Variants in PSG3 observed in about 807,000 individuals in gnomAD.
PSG3 encodes pregnancy-specific beta-1-glycoprotein 3.
In PSG3, 61 loss-of-function variants were observed where a neutral mutation model predicts 47.5. That is an observed-to-expected ratio of 1.28 (90% CI 1.05 to 1.59). The LOEUF is 1.59. Ranked by LOEUF, PSG3 falls within the 40% of genes most tolerant of loss-of-function variation. The pLI is 0.00. For synonymous variants in PSG3, 263 were observed against 198.4 expected (o/e 1.33, Z -2.74); for missense variants, 756 against 524.0 (o/e 1.44, Z -4.32).
At chr19:42,734,610 C>T (rs1969531265) in intron 2 of PSG3, among the ~76,000 whole-genome samples, 1 of 152,166 alleles carries the variant, frequency 6.6e-6, no homozygotes, top group South Asian at 2.1e-4. Context: ...TAGTATTTCT[C>T]TTGAGACCAA....
chr19:42,722,407 A>C (rs1263398011), intron 6 of PSG3, among the ~76,000 whole-genome samples: 16 of 152,160 alleles, frequency 1.1e-4, no homozygotes, highest in South Asian at 4.2e-4. Context: ...CCTGCCACCA[A>C]GCCCGGCTAA....
In PSG3 at chr19:42,740,323, G is replaced by T. The variant is rs748181353; in HGVS notation, c.62C>A (p.Thr21Lys). The T allele has an allele frequency of 1.2e-5, 19 of 1,613,790 alleles. No homozygotes were observed. The Middle Eastern group carries it at 1.5e-3, about 126-fold the overall frequency. Residue 21 changes from threonine (T) to lysine (K), a missense_variant and splice_region_variant, in exon 1 of 7, where the codon ACA (threonine) becomes AAA (lysine). Transcript: ENST00000327495. Reference protein sequence around the residue: ...QRITWKGLLLTALLLNFWNLP... With the variant: ...QRITWKGLLLKALLLNFWNLP... ...CTCCCAGGAAGTTCTCTCCTCACCT[G>T]TGAGCAGGAGCCCCTTCCAGGTGAT...
chr19:42,736,895 G>A (rs1344801914), intron 2 of PSG3, among the ~76,000 whole-genome samples: 1 of 152,164 alleles, frequency 6.6e-6, no homozygotes, highest in Non-Finnish European at 1.5e-5. Context: ...AGGTGGGCCA[G>A]GCCACAGTGT....
At chr19:42,723,663 T>C (rs527349474) in intron 6 of PSG3, among the ~76,000 whole-genome samples, 1 of 152,284 alleles carries the variant, frequency 6.6e-6, no homozygotes, top group Admixed American at 6.5e-5. Context: ...TTAAAAATAA[T>C]GAAGAGGGTT....
Position 42,739,113 on chromosome 19 carries a change from T to A in PSG3, c.65-24A>T, listed in dbSNP as rs768575804. The stretch of plus-strand genomic sequence containing the variant: ...TGCTAGGAGGTGGAGAGAGCATCAG[T>A]CAATATTGAGACCTATGCATTGGGG... On this transcript the variant is annotated intron_variant, in intron 1 of 6. Coordinates refer to ENST00000327495, the MANE Select transcript of PSG3 (RefSeq NM_021016.4). The A allele has an allele frequency of 1.1e-5, 18 of 1,583,960 alleles. 1 individual carries two copies. The highest frequency in any genetic ancestry group is 1.7e-4 in the Middle Eastern group (1 of 5,940).
rs769533688 is a variant in PSG3, at chr19:42,724,001, G to A, written c.1268C>T (p.Pro423Leu). ...CGGCTGCTATAATGGATTAAGGCCA[G>A]GAAGATGTCCTGTTCCTGAAGGAGC... ...VSAPSGTGHL[P>L]GLNPL is the part of the protein sequence containing the mutation. The change falls in exon 6 of 7, where the codon CCT (proline) becomes CTT (leucine). Residue 423 changes from proline (P) to leucine (L), a missense_variant. Physicochemically the swap from Pro to Leu is moderately conservative, Grantham distance 98. Transcript: ENST00000327495. 9 of 1,611,982 alleles carry A rather than the reference G, an allele frequency of 5.6e-6. No individual in the cohort carries two copies. In the African/African-American group the frequency reaches 6.7e-5, roughly 12 times the overall value.
Position 42,729,105 on chromosome 19 carries a change from A to C in PSG3, c.1243+18T>G. On this transcript the variant is annotated intron_variant, in intron 5 of 6. Coordinates refer to ENST00000327495, the MANE Select transcript of PSG3 (RefSeq NM_021016.4). ...TCCACCTAAAACTCTATTGCCAAGCATGCTGGGATCCACTTACCAGAGACT... is the reference window on the plus strand; with the variant it reads ...TCCACCTAAAACTCTATTGCCAAGCCTGCTGGGATCCACTTACCAGAGACT... The C allele has an allele frequency of 6.2e-7, 1 of 1,613,966 alleles. No homozygotes were observed. The highest frequency in any genetic ancestry group is 8.5e-7 in the Non-Finnish European group (1 of 1,179,858).
intron 3 of PSG3, chr19:42,731,983 A>T (rs1422150726): frequency 6.6e-6 from 1 of 151,682 alleles, no homozygotes; most frequent in African/African-American, 2.4e-5. Flanking sequence ...GACAGGCAAA[A>T]GCTGGTGGTT....
rs2122202181 is a variant in PSG3 at position 42,739,012 on chromosome 19, C to T, written c.142G>A (p.Gly48Arg). The T allele has an allele frequency of 1.9e-6, 3 of 1,613,908 alleles. No homozygotes were observed. Among genetic ancestry groups the T allele is most frequent in the Non-Finnish European group, 2.5e-6 (3 of 1,179,912 alleles). ...IEAEPTKVSK[G>R]KDVLLLVHNL... ...TGGACAAGTAGAAGAACGTCCTTCCCCTTGGAAACTTTGGTTGGCTCGGCT... is the reference window on the plus strand; with the variant it reads ...TGGACAAGTAGAAGAACGTCCTTCCTCTTGGAAACTTTGGTTGGCTCGGCT... The change falls in exon 2 of 7, where the codon GGG becomes AGG. Residue 48 changes from glycine to arginine, a missense_variant. Transcript: ENST00000327495.
intron 5 of PSG3, among the ~76,000 whole-genome samples, chr19:42,728,110 G>C (rs962878444): frequency 6.6e-6 from 1 of 152,218 alleles, no homozygotes; most frequent in Non-Finnish European, 1.5e-5. Context: ...GGGTGCTAAG[G>C]TTTAGGGGGA....
At chr19:42,734,090 A>T (rs1969521655) in intron 2 of PSG3, 1 of 152,208 alleles carries the variant, frequency 6.6e-6, no homozygotes, top group Non-Finnish European at 1.5e-5. Flanking sequence ...GTAGAATAGT[A>T]GTTTCCAGGA....
chr19:42,736,729 G>T (rs544453673), intron 2 of PSG3, among the ~76,000 whole-genome samples: 1 of 151,478 alleles, frequency 6.6e-6, no homozygotes, highest in East Asian at 1.9e-4. Flanking sequence ...CCTGTCCCAT[G>T]GTCTTGTCCA....
In PSG3 at chr19:42,740,351, G is replaced by C. The variant is rs188987120; in HGVS notation, c.34C>G (p.Arg12Gly). The C allele has an allele frequency of 1.2e-6, 2 of 1,613,964 alleles. No individual in the cohort carries two copies. The highest frequency in any genetic ancestry group is 1.7e-6 in the Non-Finnish European group (2 of 1,179,878). Residue 12 changes from arginine to glycine, a missense_variant, in exon 1 of 7, where the codon CGC (arginine) becomes GGC (glycine). Coordinates refer to ENST00000327495, the MANE Select transcript of PSG3 (RefSeq NM_021016.4). The stretch of plus-strand genomic sequence containing the variant: ...AGCAGGAGCCCCTTCCAGGTGATGC[G>C]CTGTGTGCAGGGAGGGGCTGAGAGG... ...GPLSAPPCTQ[R>G]ITWKGLLLTA...
intron 3 of PSG3, chr19:42,731,971 G>A (rs1272925521): frequency 6.6e-6 from 1 of 151,600 alleles, no homozygotes; most frequent in Non-Finnish European, 1.5e-5. Context: ...AAGAGTGAAG[G>A]GGACAGGCAA....
chr19:42,725,261 G>A (rs758140454), intron 5 of PSG3, among the ~76,000 whole-genome samples: 30 of 152,164 alleles, frequency 2.0e-4, no homozygotes, highest in Non-Finnish European at 7.3e-5. Flanking sequence ...GAGGTTCAGA[G>A]AAATTGAGTC....
In PSG3 at chr19:42,723,976, C is replaced by G. The variant is rs761028412; in HGVS notation, c.*6G>C. 2 of 1,607,810 alleles carry G rather than the reference C, an allele frequency of 1.2e-6. No individual in the cohort carries two copies. The highest frequency in any genetic ancestry group is 2.7e-5 in the African/African-American group (2 of 74,726). ...TTCCTGAAATACAGAAATGACATCA[C>G]GGCTGCTATAATGGATTAAGGCCAG... On this transcript the variant is annotated 3_prime_UTR_variant, in exon 6 of 7. Transcript: ENST00000327495.
chr19:42,724,649 A>G (rs1183203398), intron 5 of PSG3, among the ~76,000 whole-genome samples: 1 of 152,074 alleles, frequency 6.6e-6, no homozygotes, highest in African/African-American at 2.4e-5. Flanking sequence ...TCAGCTCTGC[A>G]TAGTGGTCTG....
In PSG3 at chr19:42,724,093, C is replaced by G. The variant is rs950035564; in HGVS notation, c.1244-68G>C. 5 of 1,530,122 alleles carry G rather than the reference C, an allele frequency of 3.3e-6. No individual in the cohort carries two copies. The African/African-American group carries it at 6.9e-5, about 21-fold the overall frequency. 94.8% of individuals were successfully genotyped at this position (1,530,122 alleles called of 1,614,324 possible). ...ATTTTACATGGGGGAGCCTCAGGAA[C>G]AAGCATGTAACATGAGGTACTCTAT... On this transcript the variant is annotated intron_variant, in intron 5 of 6. Coordinates refer to ENST00000327495, the MANE Select transcript of PSG3 (RefSeq NM_021016.4).
rs759742839 is a variant in PSG3 at position 42,732,988 on chromosome 19, A to G, written c.505T>C (p.Cys169Arg). ...REDMEAVSLT[C>R]DPETPDASYL... is the part of the protein sequence containing the mutation. ...CTTGCGTCCGGAGTCTCAGGATCAC[A>G]GGTTAAGCTCACAGCCTCCATGTCC... Residue 169 changes from cysteine to arginine, a missense_variant, in exon 3 of 7, where the codon TGT becomes CGT. By Grantham distance (180) the Cys-to-Arg change is radical. Transcript: ENST00000327495. 1 of 1,614,154 alleles carries G rather than the reference A, an allele frequency of 6.2e-7. No individual in the cohort carries two copies. The highest frequency in any genetic ancestry group is 8.5e-7 in the Non-Finnish European group (1 of 1,180,024).
Sources: allele counts gnomAD v4.1 joint callset (sites outside exome capture counted in the v4.1 genomes callset), GRCh38; gene constraint gnomAD v4.1.1; transcripts MANE v1.5; gene names NCBI Gene and HGNC (gene_info 2026-07-23, HGNC 2026-07-21).